Variants in SIDT1 observed in about 807,000 individuals in gnomAD.
The protein encoded by SIDT1 is SID1 transmembrane family, member 1.
In SIDT1, 101 loss-of-function variants were observed where a neutral mutation model predicts 107.5. The observed-to-expected ratio is 0.94, with a 90% CI of 0.80 to 1.11. The LOEUF (loss-of-function observed/expected upper bound fraction) is 1.11, where lower values mean the gene tolerates loss of function less well. Ranked by LOEUF, SIDT1 falls within the 50% of genes least tolerant of loss-of-function variation. The pLI is 0.00. For synonymous variants in SIDT1, 395 were observed against 398.2 expected (o/e 0.99, Z 0.10); for missense variants, 1,076 against 1,058.2 (o/e 1.02, Z -0.23).
intron 10 of SIDT1, among the ~76,000 whole-genome samples, chr3:113,597,609 T>C (rs1166042457): frequency 6.6e-6 from 1 of 151,010 alleles, no homozygotes; most frequent in Non-Finnish European, 1.5e-5. Flanking sequence ...AAGGCAACTA[T>C]AAATATGAAG....
intron 22 of SIDT1, 22 bp downstream of exon 22, chr3:113,623,554 G>C (rs1476486942): frequency 5.0e-6 from 8 of 1,603,482 alleles, no homozygotes; most frequent in Admixed American, 1.7e-5. Context: ...TGCCGGGAGC[G>C]GCTACCTCGG....
downstream of SIDT1, among the ~76,000 whole-genome samples, chr3:113,632,549 AG>A (rs1560161985): frequency 6.6e-6 from 1 of 152,180 alleles, no homozygotes; most frequent in Non-Finnish European, 1.5e-5. Flanking sequence ...AAGCTTTTTG[AG>A]GGGGTGCATT....
intron 10 of SIDT1, among the ~76,000 whole-genome samples, chr3:113,598,125 T>C (rs982734486): frequency 6.6e-6 from 1 of 152,230 alleles, no homozygotes; most frequent in Admixed American, 6.5e-5. Flanking sequence ...GGTGCTCTTA[T>C]CTGTCACAGA....
rs1226232528 is a variant in SIDT1, at chr3:113,533,074, T to A, written c.53T>A (p.Leu18Gln). Residue 18 changes from leucine (L) to glutamine (Q), a missense_variant, in exon 1 of 25, where the codon CTG becomes CAG. By Grantham distance (113) the Leu-to-Gln change is moderately radical (BLOSUM62 -2). Transcript: ENST00000264852. ...ALLCALPWLLLAASPGHPAKS... is the reference protein window; with the variant it reads ...ALLCALPWLLQAASPGHPAKS... ...CTCTGCGCGCTGCCCTGGCTCCTGC[T>A]GGCGGCGTCGCCCGGGCACCCGGCG... 2 of 1,500,846 alleles carry A rather than the reference T, an allele frequency of 1.3e-6. No individual in the cohort carries two copies. Among genetic ancestry groups the A allele is most frequent in the South Asian group, 2.6e-5 (2 of 78,326 alleles). The allele number at this position is 1,500,846 out of a possible 1,614,324, so 93.0% of individuals were successfully genotyped here.
At chr3:113,567,748 C>T in intron 3 of SIDT1, 38 bp downstream of exon 3, 4 of 1,597,630 alleles carry the variant, frequency 2.5e-6, no homozygotes, top group Non-Finnish European at 2.6e-6. Context: ...TCTGTGTTTC[C>T]TGTGCTTGTG....
chr3:113,624,134 T>C (rs1193503628), intron 23 of SIDT1, among the ~76,000 whole-genome samples: 1 of 152,186 alleles, frequency 6.6e-6, no homozygotes, highest in Non-Finnish European at 1.5e-5. Context: ...AGGAAATTAG[T>C]GGTATATCTG....
chr3:113,599,130 A>G (rs1345221212), intron 10 of SIDT1, among the ~76,000 whole-genome samples: 1 of 152,262 alleles, frequency 6.6e-6, no homozygotes, highest in Non-Finnish European at 1.5e-5. Context: ...CCCAGTCTCA[A>G]GAAATAAATA....
At chr3:113,612,031 G>C in intron 18 of SIDT1, 55 bp from the exon 19 acceptor site, 6 of 1,283,736 alleles carry the variant, frequency 4.7e-6, no homozygotes, top group South Asian at 1.2e-5. Context: ...GGATGATTTT[G>C]ATGAGTTTTC....
chr3:113,581,684 C>G, intron 6 of SIDT1: 1 of 448,530 alleles, frequency 2.2e-6, no homozygotes, highest in Non-Finnish European at 4.1e-6. Context: ...ACCAGCCTGG[C>G]CAATATGGCA....
At chr3:113,559,625 A>G (rs1273109749) in intron 1 of SIDT1, among the ~76,000 whole-genome samples, 2 of 151,904 alleles carry the variant, frequency 1.3e-5, no homozygotes, top group Non-Finnish European at 2.9e-5. Flanking sequence ...TATTTTTTAA[A>G]TAGAGACAGA....
At chr3:113,537,553 T>A (rs1938317543) in intron 1 of SIDT1, among the ~76,000 whole-genome samples, 1 of 152,216 alleles carries the variant, frequency 6.6e-6, no homozygotes, top group South Asian at 2.1e-4. Context: ...TCCTCCCACA[T>A]CCTTTTGCTG....
At chr3:113,604,244 ATCT>A (rs1405469036) in intron 13 of SIDT1, among the ~76,000 whole-genome samples, 2 of 152,166 alleles carry the variant, frequency 1.3e-5, no homozygotes. Flanking sequence ...CTTGCAAGAA[ATCT>A]TCTCTCCCCT....
rs1374124637 is a variant in SIDT1, at chr3:113,608,456, C to A, written c.1640C>A (p.Ala547Asp). The change falls in exon 17 of 25, where the codon GCT (alanine) becomes GAT (aspartate). Residue 547 changes from alanine to aspartate, a missense_variant. By Grantham distance (126) the Ala-to-Asp change is moderately radical (BLOSUM62 -2). Coordinates refer to ENST00000264852, the MANE Select transcript of SIDT1 (RefSeq NM_017699.3). ...CCCAAACACTTTGGTCTCTTCTACG[C>A]TATGGGCATTGCATTGATGATGGAA... Reference protein sequence around the residue: ...GIPKHFGLFYAMGIALMMEGV... With the variant: ...GIPKHFGLFYDMGIALMMEGV... 10 of 1,613,944 alleles carry A rather than the reference C, an allele frequency of 6.2e-6. No individual in the cohort carries two copies. The highest frequency in any genetic ancestry group is 8.5e-6 in the Non-Finnish European group (10 of 1,179,914).
chr3:113,559,448 T>A (rs1189060654), intron 1 of SIDT1, among the ~76,000 whole-genome samples: 4 of 151,802 alleles, frequency 2.6e-5, no homozygotes, highest in Non-Finnish European at 5.9e-5. Context: ...TTTTTTTTTT[T>A]TTATTTTTTG....
intron 24 of SIDT1, among the ~76,000 whole-genome samples, 173 bp downstream of exon 24, chr3:113,626,388 T>A (rs186779120): frequency 4.1e-4 from 63 of 152,328 alleles, no homozygotes; most frequent in African/African-American, 1.4e-3. Flanking sequence ...TTATATCCTT[T>A]GGTTAGATCT....
At chr3:113,577,069 C>T in intron 4 of SIDT1, 102 bp downstream of exon 4, 1 of 1,096,802 alleles carries the variant, frequency 9.1e-7, no homozygotes, top group Non-Finnish European at 1.4e-6. Flanking sequence ...TGTGGTGTTG[C>T]CCTTGACCTT....
At chr3:113,574,289 G>A (rs1942720431) in intron 3 of SIDT1, among the ~76,000 whole-genome samples, 1 of 152,192 alleles carries the variant, frequency 6.6e-6, no homozygotes, top group Non-Finnish European at 1.5e-5. Context: ...AGTTCCCAAT[G>A]ACAAGAAGGT....
rs1194225657 is a variant in SIDT1 at position 113,612,092 on chromosome 3, G to A, written c.1864G>A (p.Gly622Arg). The A allele has an allele frequency of 1.2e-6, 2 of 1,613,436 alleles. No homozygotes were observed. Among genetic ancestry groups the A allele is most frequent in the Non-Finnish European group, 8.5e-7 (1 of 1,179,686 alleles). The change falls in exon 19 of 25, where the codon GGA becomes AGA. Residue 622 changes from glycine (G) to arginine (R), a missense_variant. Transcript: ENST00000264852. ...IMVTVLGVVF[G>R]KNDVWFWVIF... ...CTTCCATCTTTACTCCTAGGTGTTT[G>A]GAAAAAATGACGTATGGTTCTGGGT... is the stretch of plus-strand genomic sequence containing the variant.
chr3:113,582,329 G>A (rs1324425278), intron 6 of SIDT1, among the ~76,000 whole-genome samples: 1 of 152,146 alleles, frequency 6.6e-6, no homozygotes, highest in East Asian at 1.9e-4. Flanking sequence ...CTAGGGTAAG[G>A]TGATACTGTT....
Sources: gnomAD v4.1 joint callset for allele counts (sites outside exome capture counted in the v4.1 genomes callset) on GRCh38, gnomAD v4.1.1 for gene constraint, MANE v1.5 for transcripts, NCBI Gene and HGNC (gene_info 2026-07-23, HGNC 2026-07-21) for gene names.